MARCKS: variants seen among roughly 807,000 people sequenced by gnomAD.
MARCKS encodes the protein myristoylated alanine-rich C-kinase substrate.
MARCKS carries 4 observed loss-of-function variants against 6.3 expected under a neutral mutation model. The ratio of observed to expected loss-of-function variants is 0.63; its 90% CI spans 0.31 to 1.45. The LOEUF (loss-of-function observed/expected upper bound fraction) is 1.45, where lower values mean the gene tolerates loss of function less well. MARCKS is among the 40% of genes most tolerant of loss of function. The pLI is 0.07. For missense variants in MARCKS, 636 were observed against 485.7 expected (o/e 1.31, Z -2.91); for synonymous variants, 289 against 236.5 (o/e 1.22, Z -2.04).
Position 113,860,397 on chromosome 6 carries a change from G to A in MARCKS, c.817G>A (p.Gly273Arg). 3 of 1,237,932 alleles carry A rather than the reference G, an allele frequency of 2.4e-6. No homozygotes were observed. The highest frequency in any genetic ancestry group is 1.0e-6 in the Non-Finnish European group (1 of 965,726). 76.7% of individuals were successfully genotyped at this position (1,237,932 alleles called of 1,614,324 possible). A position where few individuals can be genotyped will look rare whatever the true frequency, so the allele number is the denominator to read the frequency against. ...GGAGGAGAAAAAGGCCGAGGAGGCCGGGGCCAGCGCCGCCGCCTGCGAGGC... is the reference window on the plus strand; with the variant it reads ...GGAGGAGAAAAAGGCCGAGGAGGCCAGGGCCAGCGCCGCCGCCTGCGAGGC... ...KVEEKKAEEA[G>R]ASAAACEAPS... The change falls in exon 2 of 2, where the codon GGG becomes AGG. Residue 273 changes from glycine to arginine, a missense_variant. Transcript: ENST00000612661.
In MARCKS at chr6:113,862,438, A is replaced by G. The variant is rs1774916226; in HGVS notation, c.*1859A>G. On this transcript the variant is annotated 3_prime_UTR_variant, in exon 2 of 2. Transcript: ENST00000612661. ...ATCCTTTTTTTTTTTTTTTTTTGAAAGTGTGTTAGCATCTTGTTACTCAAA... is the reference window on the plus strand; with the variant it reads ...ATCCTTTTTTTTTTTTTTTTTTGAAGGTGTGTTAGCATCTTGTTACTCAAA... 6.8e-6 allele frequency: 1 copy of G among 146,934 alleles called. No homozygotes were observed. The highest frequency in any genetic ancestry group is 1.5e-5 in the Non-Finnish European group (1 of 66,896). The allele number at this position is 146,934 out of a possible 1,614,324, so 9.1% of individuals were successfully genotyped here.
chr6:113,857,569 A>C lies in MARCKS; in HGVS notation c.-177A>C. ...ACTAAAATTTTTTTATCCGGAGTGT[A>C]TTTAATCGGTTCTGTTCTGTCCTCT... On this transcript the variant is annotated 5_prime_UTR_variant, in exon 1 of 2. Transcript: ENST00000612661. The C allele has an allele frequency of 1.2e-5, 7 of 560,784 alleles. No homozygotes were observed. Among genetic ancestry groups the C allele is most frequent in the South Asian group, 1.8e-5 (1 of 54,704 alleles). The allele number at this position is 560,784 out of a possible 1,614,324, so 34.7% of individuals were successfully genotyped here.
chr6:113,860,637 G>A lies in MARCKS; in HGVS notation c.*58G>A. The stretch of plus-strand genomic sequence containing the variant: ...TTTTCTCCCCCGTTTGTTTGTTGGA[G>A]TGGTGCCAGGTACTGGTTTTGGAGA... On this transcript the variant is annotated 3_prime_UTR_variant, in exon 2 of 2. Transcript: ENST00000612661. 3 of 1,275,494 alleles carry A rather than the reference G, an allele frequency of 2.4e-6. No individual in the cohort carries two copies. The highest frequency in any genetic ancestry group is 2.1e-6 in the Non-Finnish European group (2 of 950,574). The allele number at this position is 1,275,494 out of a possible 1,614,324, so 79.0% of individuals were successfully genotyped here. A position where few individuals can be genotyped will look rare whatever the true frequency, so the allele number is the denominator to read the frequency against.
Position 113,863,438 on chromosome 6 carries a change from TG to T in MARCKS, c.*2860del, listed in dbSNP as rs950958423. ...AATAATCATTTGATCCAATTCCTAT[TG>T]CTTGTAAAATAAAGTTTTACCAGTT... On this transcript the variant is annotated 3_prime_UTR_variant, in exon 2 of 2. Coordinates refer to ENST00000612661, the MANE Select transcript of MARCKS (RefSeq NM_002356.7). 6 of 152,190 alleles carry T rather than the reference TG, an allele frequency of 3.9e-5. No individual in the cohort carries two copies. Among genetic ancestry groups the T allele is most frequent in the Non-Finnish European group, 7.4e-5 (5 of 68,010 alleles). The allele number at this position is 152,190 out of a possible 1,614,324, so 9.4% of individuals were successfully genotyped here.
chr6:113,857,450 T>C lies in MARCKS; in HGVS notation c.-296T>C, dbSNP rs943583750. Reference sequence around the variant, plus strand: ...AATCTGGGATTTTTTTATTACTTCTTTTTTTTTCGAACTACACTTGGGCTC... The same window carrying C: ...AATCTGGGATTTTTTTATTACTTCTCTTTTTTTCGAACTACACTTGGGCTC... On this transcript the variant is annotated 5_prime_UTR_variant, in exon 1 of 2. Coordinates refer to ENST00000612661, the MANE Select transcript of MARCKS (RefSeq NM_002356.7). 5.7e-6 allele frequency: 2 copies of C among 348,328 alleles called. No individual in the cohort carries two copies. Among genetic ancestry groups the C allele is most frequent in the African/African-American group, 4.4e-5 (2 of 45,072 alleles). The allele number at this position is 348,328 out of a possible 1,614,324, so 21.6% of individuals were successfully genotyped here.
chr6:113,857,928 G>A (rs1774813487), intron 1 of MARCKS, 81 bp downstream of exon 1: 1 of 1,152,828 alleles, frequency 8.7e-7, no homozygotes, highest in Non-Finnish European at 1.3e-6. Flanking sequence ...GCTCATTCGT[G>A]GAGAGGAGTG....
Position 113,860,186 on chromosome 6 carries a change from GGCC to G in MARCKS, c.614_616del (p.Ala205del), listed in dbSNP as rs1774868233. ...ACGAGGCCGCCGGGGGCGCAGCTGCGGCCGCCGCCGAGGCGGGCGCGGCCTCCG... is the reference window on the plus strand; with the variant it reads ...ACGAGGCCGCCGGGGGCGCAGCTGCGGCCGCCGAGGCGGGCGCGGCCTCCG... On this transcript the variant is annotated inframe_deletion, in exon 2 of 2. Coordinates refer to ENST00000612661, the MANE Select transcript of MARCKS (RefSeq NM_002356.7). 1.7e-5 allele frequency: 20 copies of G among 1,197,806 alleles called. No individual in the cohort carries two copies. Among genetic ancestry groups the G allele is most frequent in the Non-Finnish European group, 2.1e-5 (20 of 959,080 alleles). The allele number at this position is 1,197,806 out of a possible 1,614,324, so 74.2% of individuals were successfully genotyped here. A position where few individuals can be genotyped will look rare whatever the true frequency, so the allele number is the denominator to read the frequency against.
chr6:113,859,892 G>A lies in MARCKS; in HGVS notation c.312G>A (p.Glu104=), dbSNP rs1774858545. The change falls in exon 2 of 2, where the codon GAG becomes GAA. Residue 104 remains glutamate, a synonymous_variant. Coordinates refer to ENST00000612661, the MANE Select transcript of MARCKS (RefSeq NM_002356.7). ...CCGAGGCCGGGGCCAGCCCGGTAGA[G>A]AAGGAGGCCCCCGCGGAAGGCGAGG... ...AAPEAGASPV[E]KEAPAEGEAA... is the part of the protein sequence containing the mutation. The A allele has an allele frequency of 2.8e-6, 4 of 1,439,800 alleles. No homozygotes were observed. The highest frequency in any genetic ancestry group is 6.3e-5 in the East Asian group (2 of 31,974). The allele number at this position is 1,439,800 out of a possible 1,614,324, so 89.2% of individuals were successfully genotyped here.
At chr6:113,859,269 C>A (rs752397161) in intron 1 of MARCKS, among the ~76,000 whole-genome samples, 1 of 152,196 alleles carries the variant, frequency 6.6e-6, no homozygotes, top group Admixed American at 6.5e-5. Context: ...AGGCGCGAAC[C>A]ACCAGCTCTG....
Position 113,861,814 on chromosome 6 carries a change from TG to T in MARCKS, c.*1236del, listed in dbSNP as rs1286172527. On this transcript the variant is annotated 3_prime_UTR_variant, in exon 2 of 2. Coordinates refer to ENST00000612661, the MANE Select transcript of MARCKS (RefSeq NM_002356.7). ...GTGAATAAAATGTACAAATTTGTTG[TG>T]TTTTTTTATGTTCTAATAATACTGA... 1 of 152,640 alleles carries T rather than the reference TG, an allele frequency of 6.6e-6. No individual in the cohort carries two copies. Among genetic ancestry groups the T allele is most frequent in the African/African-American group, 2.4e-5 (1 of 41,470 alleles). The allele number at this position is 152,640 out of a possible 1,614,324, so 9.5% of individuals were successfully genotyped here.
At position 113,860,033 on chromosome 6, in the gene MARCKS, G is replaced by GAAA. The variant is rs754907346; in HGVS notation, c.462_464dup (p.Lys156dup). On this transcript the variant is annotated inframe_insertion, in exon 2 of 2. Coordinates refer to ENST00000612661, the MANE Select transcript of MARCKS (RefSeq NM_002356.7). ...CGCCCTCGCCCAGCAACGAGACCCC[G>GAAA]AAAAAAAAAAAGAAGCGCTTTTCCT... 15 of 1,235,074 alleles carry GAAA rather than the reference G, an allele frequency of 1.2e-5. No individual in the cohort carries two copies. The highest frequency in any genetic ancestry group is 4.4e-5 in the Admixed American group (2 of 45,126). 76.5% of individuals were successfully genotyped at this position (1,235,074 alleles called of 1,614,324 possible).
intron 1 of MARCKS, 25 bp from the exon 2 acceptor site, chr6:113,859,658 C>A: frequency 6.8e-7 from 1 of 1,464,012 alleles, no homozygotes; most frequent in Non-Finnish European, 9.0e-7. Context: ...GCTTCAGTGA[C>A]GCTCCCGCTT....
At position 113,860,012 on chromosome 6, in the gene MARCKS, C is replaced by G. The variant is rs1210206672; in HGVS notation, c.432C>G (p.Pro144=). Residue 144 remains proline, a synonymous_variant, in exon 2 of 2, where the codon CCC becomes CCG. Transcript: ENST00000612661. ...CCAAGGCCGAGGACGGGGCCACGCC[C>G]TCGCCCAGCAACGAGACCCCGAAAA... The part of the protein sequence containing the change: ...SSPKAEDGAT[P]SPSNETPKKK... 12 of 1,568,412 alleles carry G rather than the reference C, an allele frequency of 7.7e-6. No homozygotes were observed. The highest frequency in any genetic ancestry group is 9.5e-6 in the Non-Finnish European group (11 of 1,162,472).
At chr6:113,858,610 C>T (rs1774825556) in intron 1 of MARCKS, among the ~76,000 whole-genome samples, 2 of 152,228 alleles carry the variant, frequency 1.3e-5, no homozygotes, top group African/African-American at 4.8e-5. Context: ...CCTCGACCAC[C>T]CGCGAGGGGC....
chr6:113,860,447 G>A lies in MARCKS; in HGVS notation c.867G>A (p.Ala289=). 8.2e-7 allele frequency: 1 copy of A among 1,226,938 alleles called. No individual in the cohort carries two copies. Among genetic ancestry groups the A allele is most frequent in the Non-Finnish European group, 1.0e-6 (1 of 970,946 alleles). The allele number at this position is 1,226,938 out of a possible 1,614,324, so 76.0% of individuals were successfully genotyped here. ...CCCCCTCCGCCGCCGGGCCCGGCGCGCCCCCGGAGCAGGAGGCAGCCCCCG... is the reference window on the plus strand; with the variant it reads ...CCCCCTCCGCCGCCGGGCCCGGCGCACCCCCGGAGCAGGAGGCAGCCCCCG... ...CEAPSAAGPG[A]PPEQEAAPAE... The change falls in exon 2 of 2, where the codon GCG becomes GCA. Residue 289 remains alanine, a synonymous_variant. Transcript: ENST00000612661.
rs1774886489 is a variant in MARCKS at position 113,860,631 on chromosome 6, G to T, written c.*52G>T. 5.2e-6 allele frequency: 7 copies of T among 1,349,728 alleles called. No individual in the cohort carries two copies. The highest frequency in any genetic ancestry group is 5.9e-6 in the Non-Finnish European group (6 of 1,009,822). 83.6% of individuals were successfully genotyped at this position (1,349,728 alleles called of 1,614,324 possible). A position where few individuals can be genotyped will look rare whatever the true frequency, so the allele number is the denominator to read the frequency against. On this transcript the variant is annotated 3_prime_UTR_variant, in exon 2 of 2. Transcript: ENST00000612661. ...AAGAACTTTTCTCCCCCGTTTGTTT[G>T]TTGGAGTGGTGCCAGGTACTGGTTT...
rs1353438295 is a variant in MARCKS at position 113,861,901 on chromosome 6, ATT to A, written c.*1323_*1324del. On this transcript the variant is annotated 3_prime_UTR_variant, in exon 2 of 2. Transcript: ENST00000612661. ...TTGCATGCCATCAGGAGTAAATTTT[ATT>A]GTGGTTCTTAATCTGAAGTTTTCAA... The A allele has an allele frequency of 1.3e-5, 2 of 152,480 alleles. No homozygotes were observed. Among genetic ancestry groups the A allele is most frequent in the African/African-American group, 4.8e-5 (2 of 41,436 alleles). 9.4% of individuals were successfully genotyped at this position (152,480 alleles called of 1,614,324 possible). A position where few individuals can be genotyped will look rare whatever the true frequency, so the allele number is the denominator to read the frequency against.
chr6:113,858,338 T>C (rs1282873139), intron 1 of MARCKS, among the ~76,000 whole-genome samples: 1 of 152,048 alleles, frequency 6.6e-6, no homozygotes, highest in Non-Finnish European at 1.5e-5. Context: ...AAAGGCTGTC[T>C]TATTGTATGC....
rs1774804009 is a variant in MARCKS, at chr6:113,857,557, T to C, written c.-189T>C. The C allele has an allele frequency of 5.3e-6, 3 of 562,778 alleles. No homozygotes were observed. Among genetic ancestry groups the C allele is most frequent in the Non-Finnish European group, 9.4e-6 (3 of 318,190 alleles). 34.9% of individuals were successfully genotyped at this position (562,778 alleles called of 1,614,324 possible). A position where few individuals can be genotyped will look rare whatever the true frequency, so the allele number is the denominator to read the frequency against. On this transcript the variant is annotated 5_prime_UTR_variant, in exon 1 of 2. Transcript: ENST00000612661. The stretch of plus-strand genomic sequence containing the variant: ...TTGATCTCTTCGACTAAAATTTTTT[T>C]ATCCGGAGTGTATTTAATCGGTTCT...
Sources: allele counts gnomAD v4.1 joint callset (sites outside exome capture counted in the v4.1 genomes callset), GRCh38; gene constraint gnomAD v4.1.1; transcripts MANE v1.5; gene names NCBI Gene and HGNC (gene_info 2026-07-23, HGNC 2026-07-21).